Variants in RBFOX1 observed in about 807,000 individuals in gnomAD.
RBFOX1 encodes the protein RNA binding protein fox-1 homolog 1.
RBFOX1 carries 8 observed loss-of-function variants against 57.7 expected under a neutral mutation model. That is an observed-to-expected ratio of 0.14 (90% CI 0.08 to 0.25). RBFOX1 has a LOEUF of 0.25. Among genes scored for constraint, RBFOX1 ranks in the 10% least tolerant of loss-of-function variants. The pLI is 1.00. For missense variants in RBFOX1, 611 were observed against 548.5 expected, an observed-to-expected ratio of 1.11 and a Z score of -1.14; for synonymous variants, 326 against 222.4, an observed-to-expected ratio of 1.47 and a Z score of -4.15.
intron 4 of RBFOX1, among the ~76,000 whole-genome samples, chr16:5,881,950 C>G (rs2057774571): frequency 6.6e-6 from 1 of 152,194 alleles, no homozygotes; most frequent in Non-Finnish European, 1.5e-5. Flanking sequence ...ATAGTAGCAG[C>G]TACGACTTGT....
intron 4 of RBFOX1, among the ~76,000 whole-genome samples, chr16:7,101,436 T>C (rs2062678178): frequency 6.6e-6 from 1 of 152,194 alleles, no homozygotes; most frequent in Admixed American, 6.5e-5. Flanking sequence ...GGTTACATAA[T>C]ATAGCAGTGA....
intron 2 of RBFOX1, among the ~76,000 whole-genome samples, chr16:5,489,630 G>T (rs2042759394): frequency 6.6e-6 from 1 of 152,152 alleles, no homozygotes; most frequent in South Asian, 2.1e-4. Context: ...TGGTATTATT[G>T]TTGCTATAAT....
intron 2 of RBFOX1, among the ~76,000 whole-genome samples, chr16:6,416,486 T>C (rs2152981151): frequency 6.6e-6 from 1 of 152,258 alleles, no homozygotes; most frequent in African/African-American, 2.4e-5. Flanking sequence ...CTTGTTCTTT[T>C]TTTCGTTCCA....
intron 1 of RBFOX1, among the ~76,000 whole-genome samples, chr16:5,423,677 C>G (rs1374200866): frequency 1.3e-5 from 2 of 152,180 alleles, no homozygotes; most frequent in Non-Finnish European, 1.5e-5. Flanking sequence ...TTTTACAAAT[C>G]TATCTTGCTG....
In RBFOX1 at chr16:5,760,112, G is replaced by A. The variant is rs114639077; in HGVS notation, c.319-107191G>A. Among the ~76,000 whole-genome samples the A allele has an allele frequency of 4.2e-3, 637 of 152,030 alleles. 9 individuals carry two copies. The highest frequency in any genetic ancestry group is 0.015 in the African/African-American group (614 of 41,438). On this transcript the variant is annotated intron_variant, in intron 3 of 19. Transcript: ENST00000641259. ...CTTACCTAATATTTATTGAGTAGCT[G>A]TTACATATCAAATAAAGCACCTGAC... is the stretch of plus-strand genomic sequence containing the variant.
intron 1 of RBFOX1, among the ~76,000 whole-genome samples, chr16:6,195,993 C>A (rs186658286): frequency 6.6e-6 from 1 of 152,132 alleles, no homozygotes; most frequent in Non-Finnish European, 1.5e-5. Context: ...AAGTAAGAAT[C>A]ATAAAGACTA....
In RBFOX1 at chr16:6,881,990, A is replaced by T. The variant is rs924287499; in HGVS notation, c.-15-170067A>T. Among the ~76,000 whole-genome samples the T allele has an allele frequency of 3.3e-4, 50 of 152,290 alleles. No homozygotes were observed. In the Middle Eastern group the frequency reaches 0.014, roughly 41 times the overall value. On this transcript the variant is annotated intron_variant, in intron 3 of 15. Transcript: ENST00000550418. ...GTTATGGGTTAGACATAAAGGAGAA[A>T]TTTTTTTAAAAAAACTAAAATCACC... is the stretch of plus-strand genomic sequence containing the variant.
At chr16:7,190,738 T>A (rs2085168451) in intron 4 of RBFOX1, among the ~76,000 whole-genome samples, 1 of 152,148 alleles carries the variant, frequency 6.6e-6, no homozygotes, top group Admixed American at 6.5e-5. Flanking sequence ...CTTGCATGGT[T>A]CTAGGTTTGT....
intron 3 of RBFOX1, among the ~76,000 whole-genome samples, chr16:5,786,526 A>G (rs765215695): frequency 1.2e-4 from 18 of 152,090 alleles, no homozygotes; most frequent in Non-Finnish European, 1.8e-4. Context: ...TTCTGCCTCG[A>G]GAGGGTTCTG....
chr16:5,552,524 C>T (rs761707087), intron 2 of RBFOX1, among the ~76,000 whole-genome samples: 1 of 152,194 alleles, frequency 6.6e-6, no homozygotes, highest in Non-Finnish European at 1.5e-5. Flanking sequence ...CACACCTAGT[C>T]AGGGGCAGAG....
intron 1 of RBFOX1, among the ~76,000 whole-genome samples, chr16:6,122,446 A>C (rs2096557839): frequency 6.6e-6 from 1 of 151,904 alleles, no homozygotes. Context: ...GAACAAATGC[A>C]CTTTATGAAT....
At chr16:6,621,961 G>A (rs147215570) in intron 2 of RBFOX1, among the ~76,000 whole-genome samples, 1 of 152,198 alleles carries the variant, frequency 6.6e-6, no homozygotes, top group South Asian at 2.1e-4. Context: ...GTTACACAAA[G>A]GTGCTACATA....
rs566478126 is a variant in RBFOX1 at position 7,140,154 on chromosome 16, C to G, written c.27+88056C>G. ...TCTCATTCTCTTATTCTCTCCTTCT[C>G]TCCCTCTCTCTCTCTCTCTCTCTCT... On this transcript the variant is annotated intron_variant, in intron 4 of 15. Coordinates refer to ENST00000550418, the MANE Select transcript of RBFOX1 (RefSeq NM_018723.4). 1.6e-4 allele frequency among the ~76,000 whole-genome samples: 19 copies of G among 121,884 alleles called. No individual in the cohort carries two copies. In the South Asian group the frequency reaches 4.6e-3, roughly 29 times the overall value. 80.0% of individuals were successfully genotyped at this position (121,884 alleles called of 152,430 possible). A position where few individuals can be genotyped will look rare whatever the true frequency, so the allele number is the denominator to read the frequency against.
At chr16:7,258,261 TA>T (rs1567924581) in intron 4 of RBFOX1, among the ~76,000 whole-genome samples, 1 of 152,252 alleles carries the variant, frequency 6.6e-6, no homozygotes, top group Non-Finnish European at 1.5e-5. Context: ...GTGTCCTTCT[TA>T]TTAATTATTC....
At chr16:7,101,641 G>A (rs1893092742) in intron 4 of RBFOX1, among the ~76,000 whole-genome samples, 1 of 152,108 alleles carries the variant, frequency 6.6e-6, no homozygotes, top group Admixed American at 6.5e-5. Flanking sequence ...GTTATTCAAA[G>A]GTACTTTTTT....
At chr16:6,881,046 C>G (rs934087433) in intron 3 of RBFOX1, among the ~76,000 whole-genome samples, 4 of 152,190 alleles carry the variant, frequency 2.6e-5, no homozygotes, top group African/African-American at 9.6e-5. Flanking sequence ...CCTCCTATGC[C>G]TGTGGCAGAC....
intron 1 of RBFOX1, among the ~76,000 whole-genome samples, chr16:5,420,683 G>A (rs917383797): frequency 7.2e-5 from 11 of 152,014 alleles, no homozygotes; most frequent in Admixed American, 6.6e-5. Flanking sequence ...ACAGGCGTGC[G>A]CCACCATGCC....
chr16:6,130,345 A>G (rs1282429710), intron 1 of RBFOX1, among the ~76,000 whole-genome samples: 1 of 152,136 alleles, frequency 6.6e-6, no homozygotes, highest in Non-Finnish European at 1.5e-5. Flanking sequence ...AGATTCTGAT[A>G]AGTTATGGAT....
At chr16:6,000,185 C>A (rs1246230223) in intron 4 of RBFOX1, among the ~76,000 whole-genome samples, 7 of 152,100 alleles carry the variant, frequency 4.6e-5, no homozygotes, top group Admixed American at 4.6e-4. Flanking sequence ...GTTTTCTGGC[C>A]TCTTAGGGCA....
Sources: gnomAD v4.1 joint callset for allele counts (sites outside exome capture counted in the v4.1 genomes callset) on GRCh38, gnomAD v4.1.1 for gene constraint, MANE v1.5 for transcripts, NCBI Gene and HGNC (gene_info 2026-07-23, HGNC 2026-07-21) for gene names.